The following SLC5A10 variants were observed in gnomAD, a reference collection of about 807,000 sequenced individuals.
SLC5A10 encodes sodium/mannose cotransporter SLC5A10.
SLC5A10 carries 55 observed loss-of-function variants against 68.9 expected under a neutral mutation model. That is an observed-to-expected ratio of 0.80 (90% CI 0.64 to 1.00). The LOEUF is 1.00. Ranked by LOEUF, SLC5A10 falls within the 50% of genes least tolerant of loss-of-function variation. SLC5A10 has a pLI of 0.00. For missense variants in SLC5A10, 732 were observed against 819.3 expected, an observed-to-expected ratio of 0.89 and a Z score of 1.30; for synonymous variants, 344 against 344.8, an observed-to-expected ratio of 1.00 and a Z score of 0.02.
At chr17:18,993,252 T>C (rs1331296303) in intron 9 of SLC5A10, among the ~76,000 whole-genome samples, 2 of 152,190 alleles carry the variant, frequency 1.3e-5, no homozygotes, top group African/African-American at 2.4e-5. Flanking sequence ...GTTGTTCTCC[T>C]TGCCACCTGC....
At chr17:18,991,951 G>A (rs911687292) in intron 9 of SLC5A10, among the ~76,000 whole-genome samples, 6 of 152,156 alleles carry the variant, frequency 3.9e-5, no homozygotes, top group African/African-American at 1.2e-4. Flanking sequence ...CAGGGTGTGG[G>A]AGGATGGCCA....
At chr17:19,013,362 G>T (rs772712427) in intron 9 of SLC5A10, 48 bp from the exon 10 acceptor site, 8 of 1,600,476 alleles carry the variant, frequency 5.0e-6, no homozygotes, top group Non-Finnish European at 6.8e-6. Flanking sequence ...CCCACCCCAG[G>T]TGCTCATGTC....
chr17:18,980,511 G>A (rs142167040), intron 9 of SLC5A10, among the ~76,000 whole-genome samples: 30 of 152,288 alleles, frequency 2.0e-4, no homozygotes, highest in African/African-American at 7.2e-4. Context: ...CCTGGACCCT[G>A]AACACATAAG....
intron 8 of SLC5A10, among the ~76,000 whole-genome samples, chr17:18,974,744 C>T (rs1267027566): frequency 1.3e-5 from 2 of 152,216 alleles, no homozygotes; most frequent in Non-Finnish European, 2.9e-5. Flanking sequence ...CTAGCAGCCT[C>T]ACTTAAGTCG....
At chr17:18,970,689 T>C (rs1388589663) in intron 7 of SLC5A10, 2 of 361,788 alleles carry the variant, frequency 5.5e-6, no homozygotes, top group East Asian at 5.3e-5. Context: ...GAAACCTGGC[T>C]GAGAACCACT....
chr17:18,983,845 T>G (rs2043197448), intron 9 of SLC5A10, among the ~76,000 whole-genome samples: 1 of 152,156 alleles, frequency 6.6e-6, no homozygotes, highest in African/African-American at 2.4e-5. Context: ...TCCAAGGCCC[T>G]GGTCTGAGGG....
At chr17:19,005,653 C>A (rs1022712542) in intron 9 of SLC5A10, among the ~76,000 whole-genome samples, 3 of 151,978 alleles carry the variant, frequency 2.0e-5, no homozygotes, top group Non-Finnish European at 4.4e-5. Context: ...TCAAACCCCC[C>A]CCCTCCAAGG....
In SLC5A10 at chr17:18,969,372, C is replaced by A; in HGVS notation, c.590C>A (p.Ala197Asp). 3 of 1,613,716 alleles carry A rather than the reference C, an allele frequency of 1.9e-6. No individual in the cohort carries two copies. The highest frequency in any genetic ancestry group is 2.2e-5 in the South Asian group (2 of 91,076). The change falls in exon 7 of 15, where the codon GCC becomes GAC. Residue 197 changes from alanine (A) to aspartate (D), a missense_variant. By Grantham distance (126) the Ala-to-Asp change is moderately radical. Coordinates refer to ENST00000395645, the MANE Select transcript of SLC5A10 (RefSeq NM_001042450.4). ...CTGGCTGCTGTAATCTACACGGACGCCCTGCAGACGCTCATCATGGTGGTG... is the reference window on the plus strand; with the variant it reads ...CTGGCTGCTGTAATCTACACGGACGACCTGCAGACGCTCATCATGGTGGTG... The part of the protein sequence containing the change: ...GGLAAVIYTD[A>D]LQTLIMVVGA...
chr17:19,009,273 C>T (rs2043964785), intron 9 of SLC5A10, among the ~76,000 whole-genome samples: 1 of 152,052 alleles, frequency 6.6e-6, no homozygotes, highest in Non-Finnish European at 1.5e-5. Flanking sequence ...TTCACTGCAG[C>T]CTGCACCTCC....
intron 9 of SLC5A10, chr17:18,977,911 G>A (rs540858760): frequency 3.1e-5 from 50 of 1,610,224 alleles, no homozygotes; most frequent in African/African-American, 9.3e-5. Context: ...TTACGTAGTC[G>A]TCATCATCTT....
Position 19,003,974 on chromosome 17 carries a change from G to T in SLC5A10, c.983-9436G>T. On this transcript the variant is annotated intron_variant, in intron 9 of 14. Coordinates refer to ENST00000395645, the MANE Select transcript of SLC5A10 (RefSeq NM_001042450.4). This position sits in a 1 kb window ranked among gnomAD's most constrained non-coding sequence, Gnocchi z 4.5. ...CTGCTCCTCGCTGTAGAAGAACTCA[G>T]GCTTGGACTCGCTGGAGCGCCAGTT... 6.2e-7 allele frequency: 1 copy of T among 1,612,716 alleles called. No individual in the cohort carries two copies.
intron 9 of SLC5A10, among the ~76,000 whole-genome samples, chr17:19,006,676 C>A (rs868380333): frequency 3.4e-4 from 51 of 152,166 alleles, no homozygotes; most frequent in African/African-American, 8.9e-4. Flanking sequence ...GTAGCCATCC[C>A]CACACCTCCC....
At chr17:18,973,489 T>C (rs780919209) in intron 8 of SLC5A10, among the ~76,000 whole-genome samples, 1 of 152,206 alleles carries the variant, frequency 6.6e-6, no homozygotes, top group African/African-American at 2.4e-5. Flanking sequence ...GGGCTGGGTC[T>C]GCCTGGTGGA....
Position 19,017,377 on chromosome 17 carries a change from C to G in SLC5A10, c.1242-2046C>G. Reference sequence around the variant, plus strand: ...CATTGGAGCGGTATCTCCTAGGCCTCGTGGTCATGGATCTCTGGTAGGGTG... The same window carrying G: ...CATTGGAGCGGTATCTCCTAGGCCTGGTGGTCATGGATCTCTGGTAGGGTG... On this transcript the variant is annotated intron_variant, in intron 11 of 14. Coordinates refer to ENST00000395645, the MANE Select transcript of SLC5A10 (RefSeq NM_001042450.4). This position sits in a 1 kb window ranked among gnomAD's most constrained non-coding sequence, Gnocchi z 5.6. 6.4e-7 allele frequency: 1 copy of G among 1,551,814 alleles called. No individual in the cohort carries two copies. Among genetic ancestry groups the G allele is most frequent in the Non-Finnish European group, 8.7e-7 (1 of 1,146,984 alleles).
chr17:18,998,016 A>C (rs959753093), intron 9 of SLC5A10, among the ~76,000 whole-genome samples: 10 of 152,192 alleles, frequency 6.6e-5, no homozygotes, highest in Non-Finnish European at 1.2e-4. Context: ...TAAAGATAAC[A>C]CCAGAGCTGG....
chr17:18,971,709 T>A lies in SLC5A10; in HGVS notation c.846+491T>A. ...CCTGGGAAGCCGTCTTTATCCCTAG[T>A]CCCTGAGGCAGGGACCCTGTGATGA... On this transcript the variant is annotated intron_variant, in intron 8 of 14. Transcript: ENST00000395645. This position sits in a 1 kb window ranked among gnomAD's most constrained non-coding sequence, Gnocchi z 5.5. 1 of 1,598,884 alleles carries A rather than the reference T, an allele frequency of 6.3e-7. No individual in the cohort carries two copies. Among genetic ancestry groups the A allele is most frequent in the Non-Finnish European group, 8.5e-7 (1 of 1,170,430 alleles).
chr17:18,967,941 T>C (rs1210284718), intron 5 of SLC5A10, among the ~76,000 whole-genome samples: 1 of 130,428 alleles, frequency 7.7e-6, no homozygotes, highest in Non-Finnish European at 1.5e-5. Flanking sequence ...CAGCCAAAGA[T>C]AAGGACCAGA....
chr17:18,959,532 A>T, intron 3 of SLC5A10, 72 bp from the exon 4 acceptor site: 1 of 1,533,194 alleles, frequency 6.5e-7, no homozygotes. Context: ...CATCCCAGCC[A>T]TGTCTGCTTT....
At position 18,971,984 on chromosome 17, in the gene SLC5A10, C is replaced by T. The variant is rs1388824048; in HGVS notation, c.846+766C>T. Reference sequence around the variant, plus strand: ...GTGTAGCAAGGCAGCTTCCTCCCAGCTCACCCCCGCAGCCTCCTCTATTCC... The same window carrying T: ...GTGTAGCAAGGCAGCTTCCTCCCAGTTCACCCCCGCAGCCTCCTCTATTCC... On this transcript the variant is annotated intron_variant, in intron 8 of 14. Coordinates refer to ENST00000395645, the MANE Select transcript of SLC5A10 (RefSeq NM_001042450.4). This position sits in a 1 kb window ranked among gnomAD's most constrained non-coding sequence, Gnocchi z 5.5. 6.6e-6 allele frequency among the ~76,000 whole-genome samples: 1 copy of T among 152,192 alleles called. No individual in the cohort carries two copies. The highest frequency in any genetic ancestry group is 2.4e-5 in the African/African-American group (1 of 41,452).
Sources: allele counts gnomAD v4.1 joint callset (sites outside exome capture counted in the v4.1 genomes callset), GRCh38; gene constraint gnomAD v4.1.1; non-coding constraint Gnocchi (gnomAD v3.1); transcripts MANE v1.5; gene names NCBI Gene and HGNC (gene_info 2026-07-23, HGNC 2026-07-21).